Variants in ST7 observed in about 807,000 individuals in gnomAD.
ST7 encodes the protein suppression of tumorigenicity 7.
A neutral mutation model predicts 78.7 loss-of-function variants in ST7; 28 were observed. That is an observed-to-expected ratio of 0.36 (90% confidence interval 0.26 to 0.49). ST7 has a LOEUF of 0.49. Among genes scored for constraint, ST7 ranks in the 20% least tolerant of loss-of-function variants. The pLI is 0.99. For missense variants in ST7, 418 were observed against 696.0 expected (o/e 0.60, Z 4.49); for synonymous variants, 247 against 249.6 (o/e 0.99, Z 0.10).
chr7:116,966,018 C>A, intron 1 of ST7: 1 of 431,532 alleles, frequency 2.3e-6, no homozygotes, highest in South Asian at 1.7e-5. Context: ...TTGGTTCATG[C>A]CCACCTGGCC....
At chr7:117,188,053 T>C (rs1809429534) in intron 10 of ST7, among the ~76,000 whole-genome samples, 1 of 152,208 alleles carries the variant, frequency 6.6e-6, no homozygotes, top group Non-Finnish European at 1.5e-5. Flanking sequence ...TACAAAGACC[T>C]GTTTTCCTTT....
chr7:117,045,919 G>T (rs746689727), intron 1 of ST7, among the ~76,000 whole-genome samples: 1 of 152,220 alleles, frequency 6.6e-6, no homozygotes, highest in African/African-American at 2.4e-5. Context: ...TCAAGTTCTA[G>T]AGGGGTTCTA....
At chr7:117,138,763 A>C (rs540766546) in intron 9 of ST7, among the ~76,000 whole-genome samples, 48 of 152,340 alleles carry the variant, frequency 3.2e-4, no homozygotes, top group Non-Finnish European at 6.6e-4. Context: ...CAACAATAAC[A>C]GTCCTCACAA....
intron 1 of ST7, among the ~76,000 whole-genome samples, chr7:116,975,001 T>C (rs1031044839): frequency 1.3e-5 from 2 of 152,198 alleles, no homozygotes; most frequent in South Asian, 2.1e-4. Flanking sequence ...ATTTTATGTA[T>C]TTTTTTCATA....
chr7:117,160,447 C>G (rs1487314947), intron 9 of ST7, among the ~76,000 whole-genome samples: 1 of 151,866 alleles, frequency 6.6e-6, no homozygotes, highest in East Asian at 1.9e-4. Flanking sequence ...AGAAACTTCA[C>G]TTTCCCTGGG....
At chr7:117,006,228 A>C (rs1221794922) in intron 1 of ST7, among the ~76,000 whole-genome samples, 6 of 152,244 alleles carry the variant, frequency 3.9e-5, no homozygotes, top group Non-Finnish European at 8.8e-5. Context: ...AAAAGAGAGC[A>C]GTTGTTATGA....
At chr7:117,164,946 TGACTTTAG>T (rs1807428661) in intron 9 of ST7, among the ~76,000 whole-genome samples, 1 of 152,014 alleles carries the variant, frequency 6.6e-6, no homozygotes, top group African/African-American at 2.4e-5. Flanking sequence ...TATGATGCTG[TGACTTTAG>T]GAGGTGGCAT....
intron 1 of ST7, among the ~76,000 whole-genome samples, chr7:117,049,577 G>A (rs1012552159): frequency 2.0e-5 from 3 of 152,106 alleles, no homozygotes; most frequent in African/African-American, 7.2e-5. Flanking sequence ...TAGCAATCCA[G>A]CACCCACATA....
At chr7:117,222,733 A>T in intron 15 of ST7, 1 of 745,898 alleles carries the variant, frequency 1.3e-6, no homozygotes, top group Non-Finnish European at 2.4e-6. Flanking sequence ...GCCACAGATG[A>T]GTTTCAAACA....
At chr7:117,214,290 C>T (rs1584621470) in intron 13 of ST7, among the ~76,000 whole-genome samples, 1 of 151,736 alleles carries the variant, frequency 6.6e-6, no homozygotes, top group Non-Finnish European at 1.5e-5. Context: ...TTTTAGAGAT[C>T]CCCCCGCCCC....
intron 2 of ST7, among the ~76,000 whole-genome samples, chr7:117,103,914 T>G (rs1311486207): frequency 1.3e-5 from 2 of 152,138 alleles, no homozygotes; most frequent in Non-Finnish European, 2.9e-5. Flanking sequence ...AATAATCCAA[T>G]TATAAAATGG....
At chr7:117,142,461 C>A (rs775540595) in intron 9 of ST7, among the ~76,000 whole-genome samples, 1 of 150,062 alleles carries the variant, frequency 6.7e-6, no homozygotes, top group Non-Finnish European at 1.5e-5. Flanking sequence ...GCAGCTTAAC[C>A]CCTGTACCTC....
chr7:117,229,958 G>A lies in ST7; in HGVS notation c.*101G>A, dbSNP rs776540150. The A allele has an allele frequency of 9.4e-7, 1 of 1,059,518 alleles. No homozygotes were observed. Among genetic ancestry groups the A allele is most frequent in the Non-Finnish European group, 1.5e-6 (1 of 673,748 alleles). The allele number at this position is 1,059,518 out of a possible 1,614,324, so 65.6% of individuals were successfully genotyped here. A position where few individuals can be genotyped will look rare whatever the true frequency, so the allele number is the denominator to read the frequency against. On this transcript the variant is annotated 3_prime_UTR_variant, in exon 16 of 16. Transcript: ENST00000323984. ...GAAAGCATGACTTTGAAAAAGGGAA[G>A]CCATTCCGAGATTTTAAAATGTTCA...
intron 6 of ST7, among the ~76,000 whole-genome samples, chr7:117,132,798 C>T (rs551455772): frequency 6.5e-4 from 99 of 151,842 alleles, no homozygotes; most frequent in South Asian, 1.7e-3. Flanking sequence ...TCTACAAATT[C>T]GATATGCCTG....
intron 1 of ST7, among the ~76,000 whole-genome samples, chr7:117,035,522 AAC>A (rs1485094037): frequency 1.3e-5 from 2 of 152,210 alleles, no homozygotes; most frequent in Admixed American, 6.5e-5. Flanking sequence ...CTTAAAGTAA[AAC>A]ACGCATATAT....
At position 117,012,109 on chromosome 7, in the gene ST7, C is replaced by A. The variant is rs975373053; in HGVS notation, c.151+58418C>A. Among the ~76,000 whole-genome samples, 7 of 152,280 alleles carry A rather than the reference C, an allele frequency of 4.6e-5. 1 individual carries two copies. In the South Asian group the frequency reaches 6.2e-4, roughly 14 times the overall value. ...CTGCTTTACTGGCTAATGCCACTCT[C>A]ATTTTAAGCTATCACAATGACTAAA... On this transcript the variant is annotated intron_variant, in intron 1 of 15. Coordinates refer to ENST00000323984, the MANE Select transcript of ST7 (RefSeq NM_001369598.1).
chr7:117,132,103 T>A (rs964419878), intron 6 of ST7, 143 bp downstream of exon 6: 10 of 799,908 alleles, frequency 1.3e-5, no homozygotes, highest in African/African-American at 5.3e-5. Flanking sequence ...TTAAAAAAGT[T>A]TTTTTTTTAA....
chr7:116,958,789 T>A (rs186058556), intron 1 of ST7: 1 of 390,484 alleles, frequency 2.6e-6, no homozygotes, highest in African/African-American at 2.1e-5. Context: ...AAAAGACCAA[T>A]GTATATACCT....
At chr7:117,028,851 A>G (rs917413440) in intron 1 of ST7, among the ~76,000 whole-genome samples, 13 of 152,086 alleles carry the variant, frequency 8.5e-5, no homozygotes, top group Non-Finnish European at 2.9e-5. Context: ...TTAGCTGTTG[A>G]CTTAGGGCTC....
Sources: gnomAD v4.1 joint callset for allele counts (sites outside exome capture counted in the v4.1 genomes callset) on GRCh38, gnomAD v4.1.1 for gene constraint, MANE v1.5 for transcripts, NCBI Gene and HGNC (gene_info 2026-07-23, HGNC 2026-07-21) for gene names.